PPP3R1: variants seen among roughly 807,000 people sequenced by gnomAD.
PPP3R1 encodes the protein calcineurin subunit B type 1.
PPP3R1 carries 5 observed loss-of-function variants against 22.6 expected under a neutral mutation model. That is an observed-to-expected ratio of 0.22 (90% CI 0.12 to 0.46). PPP3R1 has a LOEUF of 0.46. PPP3R1 is among the 20% of genes least tolerant of loss of function. The probability of loss-of-function intolerance (pLI) is 0.99; values close to 1 mark genes in which losing one functional copy is unlikely to be tolerated. For missense variants in PPP3R1, 61 were observed against 203.2 expected, an observed-to-expected ratio of 0.30 and a Z score of 4.25; for synonymous variants, 56 against 65.2, an observed-to-expected ratio of 0.86 and a Z score of 0.68.
chr2:68,234,479 T>C (rs1055481137), intron 1 of PPP3R1, among the ~76,000 whole-genome samples: 2 of 152,240 alleles, frequency 1.3e-5, no homozygotes, highest in Non-Finnish European at 2.9e-5. Flanking sequence ...CCATTCTGTA[T>C]TATGCAAGAG....
At position 68,250,117 on chromosome 2, in the gene PPP3R1, G is replaced by A. The variant is rs561499434; in HGVS notation, c.3+2008C>T. On this transcript the variant is annotated intron_variant, in intron 1 of 5. Transcript: ENST00000234310. ...GTTGGAAAGCCACTGCCAACATTAT[G>A]TAGGTCCTGAAATGGTATTGGGAGG... Among the ~76,000 whole-genome samples, 3 of 151,788 alleles carry A rather than the reference G, an allele frequency of 2.0e-5. No individual in the cohort carries two copies. The East Asian group carries it at 5.8e-4, about 29-fold the overall frequency.
chr2:68,201,985 T>A (rs763663818), intron 2 of PPP3R1, among the ~76,000 whole-genome samples: 1 of 152,238 alleles, frequency 6.6e-6, no homozygotes, highest in Non-Finnish European at 1.5e-5. Context: ...GCAATCAGAA[T>A]GCTTTTAAAC....
chr2:68,210,390 A>G (rs778673202), intron 2 of PPP3R1, among the ~76,000 whole-genome samples: 6 of 152,184 alleles, frequency 3.9e-5, no homozygotes, highest in Non-Finnish European at 8.8e-5. Context: ...TATACTCCTC[A>G]TTCTCCTCAG....
intron 2 of PPP3R1, among the ~76,000 whole-genome samples, chr2:68,207,148 C>G (rs1200244171): frequency 2.6e-5 from 3 of 117,268 alleles, no homozygotes; most frequent in Admixed American, 1.7e-4. Flanking sequence ...TGTGGGTGAA[C>G]AAAAAAAGTG....
At position 68,180,711 on chromosome 2, in the gene PPP3R1, C is replaced by T. The variant is rs1674382867; in HGVS notation, c.*252G>A. Reference sequence around the variant, plus strand: ...AATAAATTAAAAAGCCAACCCCTTCCCTTTCTCCACCACATTGATATGCTC... The same window carrying T: ...AATAAATTAAAAAGCCAACCCCTTCTCTTTCTCCACCACATTGATATGCTC... On this transcript the variant is annotated 3_prime_UTR_variant, in exon 6 of 6. Transcript: ENST00000234310. 2.7e-6 allele frequency: 1 copy of T among 366,062 alleles called. No homozygotes were observed. The highest frequency in any genetic ancestry group is 2.1e-5 in the African/African-American group (1 of 47,238). 22.7% of individuals were successfully genotyped at this position (366,062 alleles called of 1,614,324 possible). A position where few individuals can be genotyped will look rare whatever the true frequency, so the allele number is the denominator to read the frequency against.
At position 68,239,610 on chromosome 2, in the gene PPP3R1, C is replaced by T. The variant is rs1021241115; in HGVS notation, c.3+12515G>A. Reference sequence around the variant, plus strand: ...CAGAACTATGGACTGGAGAAGAGAACGATGTGGCCTGAAAAATACGAATGA... The same window carrying T: ...CAGAACTATGGACTGGAGAAGAGAATGATGTGGCCTGAAAAATACGAATGA... On this transcript the variant is annotated intron_variant, in intron 1 of 5. Transcript: ENST00000234310. Among the ~76,000 whole-genome samples the T allele has an allele frequency of 5.3e-5, 8 of 151,844 alleles. 1 individual carries two copies. The highest frequency in any genetic ancestry group is 1.3e-4 in the Admixed American group (2 of 15,244).
chr2:68,214,140 C>G (rs1260577524), intron 2 of PPP3R1, among the ~76,000 whole-genome samples: 1 of 152,116 alleles, frequency 6.6e-6, no homozygotes, highest in East Asian at 1.9e-4. Flanking sequence ...CAAATCAACT[C>G]AAGGTAGATT....
chr2:68,222,343 T>C (rs1669700556), intron 1 of PPP3R1, among the ~76,000 whole-genome samples: 1 of 152,164 alleles, frequency 6.6e-6, no homozygotes, highest in Non-Finnish European at 1.5e-5. Flanking sequence ...ATTGTGATGG[T>C]TAATTTTGTG....
At chr2:68,242,371 A>C (rs1417876902) in intron 1 of PPP3R1, among the ~76,000 whole-genome samples, 2 of 151,978 alleles carry the variant, frequency 1.3e-5, no homozygotes, top group African/African-American at 4.8e-5. Context: ...AGTAGCGGTG[A>C]GCCAAGATTG....
At chr2:68,182,080 T>TCCCCCCCCCCCC (rs869089694) in intron 5 of PPP3R1, among the ~76,000 whole-genome samples, 2 of 37,400 alleles carry the variant, frequency 5.3e-5, no homozygotes, top group Non-Finnish European at 1.1e-4. Flanking sequence ...AACCCCCCCC[T>TCCCCCCCCCCCC]CCCCCCACCA....
chr2:68,246,067 CTTTTTTTTTTTTT>C (rs746584723), intron 1 of PPP3R1, among the ~76,000 whole-genome samples: 7 of 73,806 alleles, frequency 9.5e-5, no homozygotes, highest in African/African-American at 1.3e-4. Context: ...TTCTTTCTTT[CTTTTTTTTTTTTT>C]TTTTTTTTTT....
chr2:68,199,991 T>C (rs887661169), intron 2 of PPP3R1, among the ~76,000 whole-genome samples: 3 of 152,214 alleles, frequency 2.0e-5, no homozygotes. Context: ...TTTCTTTCTT[T>C]TCATTAAATT....
chr2:68,239,601 A>G (rs1433042586), intron 1 of PPP3R1, among the ~76,000 whole-genome samples: 2 of 152,160 alleles, frequency 1.3e-5, no homozygotes, highest in African/African-American at 4.8e-5. Flanking sequence ...TATGGACTGG[A>G]GAAGAGAACG....
intron 1 of PPP3R1, among the ~76,000 whole-genome samples, chr2:68,238,758 G>C (rs1333080706): frequency 6.6e-6 from 1 of 152,114 alleles, no homozygotes; most frequent in Non-Finnish European, 1.5e-5. Flanking sequence ...ATGGCAATGG[G>C]GATGAAGAAG....
intron 2 of PPP3R1, among the ~76,000 whole-genome samples, chr2:68,211,406 C>CAAA (rs3979551): frequency 0.042 from 3,273 of 77,348 alleles, 370 homozygotes; most frequent in African/African-American, 0.16. Flanking sequence ...GACTCTGTCT[C>CAAA]AAAAAAAAAA....
At chr2:68,229,105 A>C (rs941248806) in intron 1 of PPP3R1, among the ~76,000 whole-genome samples, 3 of 151,962 alleles carry the variant, frequency 2.0e-5, no homozygotes, top group South Asian at 2.1e-4. Flanking sequence ...GCAGCCTCAA[A>C]TTCCTGGGCT....
intron 1 of PPP3R1, among the ~76,000 whole-genome samples, chr2:68,232,552 A>G (rs1224239491): frequency 1.3e-5 from 2 of 152,110 alleles, no homozygotes; most frequent in Non-Finnish European, 2.9e-5. Flanking sequence ...CAGAACCAGT[A>G]GACTATGGAT....
rs751934251 is a variant in PPP3R1 at position 68,232,124 on chromosome 2, T to TACACAC, written c.4-14999_4-14994dup. Among the ~76,000 whole-genome samples, 465 of 97,982 alleles carry TACACAC rather than the reference T, an allele frequency of 4.7e-3. 27 individuals are homozygous for TACACAC. Among genetic ancestry groups the TACACAC allele is most frequent in the African/African-American group, 0.017 (423 of 24,172 alleles). 64.3% of individuals were successfully genotyped at this position (97,982 alleles called of 152,430 possible). On this transcript the variant is annotated intron_variant, in intron 1 of 5. Coordinates refer to ENST00000234310, the MANE Select transcript of PPP3R1 (RefSeq NM_000945.4). ...AAAAAAAAAAATATATATATATATA[T>TACACAC]ACACACACACACACATATATATGTA... is the stretch of plus-strand genomic sequence containing the variant.
intron 2 of PPP3R1, among the ~76,000 whole-genome samples, chr2:68,209,185 C>T (rs552592955): frequency 6.7e-4 from 100 of 148,472 alleles, no homozygotes; most frequent in Non-Finnish European, 1.1e-3. Context: ...GGTGAAACCC[C>T]GTCTCTACTA....
Sources: gnomAD v4.1 joint callset for allele counts (sites outside exome capture counted in the v4.1 genomes callset) on GRCh38, gnomAD v4.1.1 for gene constraint, MANE v1.5 for transcripts, NCBI Gene and HGNC (gene_info 2026-07-23, HGNC 2026-07-21) for gene names.